Variants in ELMO1 observed in about 807,000 individuals in gnomAD.
ELMO1 encodes engulfment and cell motility 1.
In ELMO1, 26 loss-of-function variants were observed where a neutral mutation model predicts 98.9. The observed-to-expected ratio is 0.26, with a 90% CI of 0.19 to 0.36. The LOEUF (loss-of-function observed/expected upper bound fraction) is 0.36, where lower values mean the gene tolerates loss of function less well. Among genes scored for constraint, ELMO1 ranks in the 10% least tolerant of loss-of-function variants. ELMO1 has a pLI of 1.00. For missense variants in ELMO1, 627 were observed against 935.2 expected (o/e 0.67, Z 4.30); for synonymous variants, 346 against 346.0 (o/e 1.00, Z 0.00).
chr7:37,415,245 A>G (rs1333358761), intron 1 of ELMO1, among the ~76,000 whole-genome samples: 1 of 152,228 alleles, frequency 6.6e-6, no homozygotes, highest in South Asian at 2.1e-4. Context: ...TGTACTCCTG[A>G]ACAAAATAGA....
chr7:37,356,207 G>A lies in ELMO1; in HGVS notation c.-73-13444C>T, dbSNP rs540256167. Among the ~76,000 whole-genome samples, 3 of 152,224 alleles carry A rather than the reference G, an allele frequency of 2.0e-5. No homozygotes were observed. The South Asian group carries it at 6.2e-4, about 32-fold the overall frequency. ...TTTCTTTATCTAGTCTATCATTGATGGGCATTTGGGTTGGTACCAAGTCTT... is the reference window on the plus strand; with the variant it reads ...TTTCTTTATCTAGTCTATCATTGATAGGCATTTGGGTTGGTACCAAGTCTT... On this transcript the variant is annotated intron_variant, in intron 1 of 21. Coordinates refer to ENST00000310758, the MANE Select transcript of ELMO1 (RefSeq NM_014800.11).
At chr7:36,955,353 C>T (rs1466143904) in intron 16 of ELMO1, among the ~76,000 whole-genome samples, 2 of 152,146 alleles carry the variant, frequency 1.3e-5, no homozygotes, top group Non-Finnish European at 2.9e-5. Context: ...CTCCCATTCG[C>T]CAAAAGATAC....
chr7:37,025,898 TA>T, intron 15 of ELMO1, among the ~76,000 whole-genome samples: 1 of 117,348 alleles, frequency 8.5e-6, no homozygotes, highest in African/African-American at 3.5e-5. Flanking sequence ...TTATATATTC[TA>T]TCTATCTATC....
intron 16 of ELMO1, among the ~76,000 whole-genome samples, chr7:36,928,771 C>T (rs1785786404): frequency 6.6e-6 from 1 of 152,188 alleles, no homozygotes. Flanking sequence ...CTCAGGGAAT[C>T]AGACAGTCCT....
At chr7:37,141,293 C>G (rs1186243961) in intron 13 of ELMO1, among the ~76,000 whole-genome samples, 1 of 152,124 alleles carries the variant, frequency 6.6e-6, no homozygotes, top group African/African-American at 2.4e-5. Context: ...GAATGGAAAA[C>G]CAAACATCGT....
At chr7:37,036,036 CT>C (rs1795153744) in intron 15 of ELMO1, among the ~76,000 whole-genome samples, 1 of 152,116 alleles carries the variant, frequency 6.6e-6, no homozygotes, top group Non-Finnish European at 1.5e-5. Context: ...TACATTTAAA[CT>C]TTCTGTAATG....
At chr7:37,017,244 C>A (rs750607229) in intron 15 of ELMO1, among the ~76,000 whole-genome samples, 1 of 152,156 alleles carries the variant, frequency 6.6e-6, no homozygotes, top group Admixed American at 6.5e-5. Context: ...CTGAACCAAC[C>A]CTTTTTTCTT....
chr7:37,438,913 C>T (rs997549670), intron 1 of ELMO1, among the ~76,000 whole-genome samples: 2 of 152,218 alleles, frequency 1.3e-5, no homozygotes, highest in Non-Finnish European at 2.9e-5. Context: ...AATCACTTAG[C>T]AAATCATTTA....
In ELMO1 at chr7:36,963,247, G is replaced by A. The variant is rs534412447; in HGVS notation, c.1437+50052C>T. 2.6e-5 allele frequency among the ~76,000 whole-genome samples: 4 copies of A among 152,144 alleles called. 1 individual carries two copies. Among genetic ancestry groups the A allele is most frequent in the East Asian group, 1.9e-4 (1 of 5,180 alleles). On this transcript the variant is annotated intron_variant, in intron 16 of 21. Coordinates refer to ENST00000310758, the MANE Select transcript of ELMO1 (RefSeq NM_014800.11). ...ACAAAAATTAGCTGGGCGTGGTGCC[G>A]TGCGCCTGTACTCCTAGCTATTCAG... is the stretch of plus-strand genomic sequence containing the variant.
intron 1 of ELMO1, among the ~76,000 whole-genome samples, chr7:37,364,744 T>C (rs945708916): frequency 3.9e-5 from 6 of 152,196 alleles, no homozygotes; most frequent in Non-Finnish European, 8.8e-5. Flanking sequence ...ATATCCTGTT[T>C]TTCAGGTACC....
intron 13 of ELMO1, among the ~76,000 whole-genome samples, chr7:37,146,663 C>A (rs1292182202): frequency 6.6e-6 from 1 of 152,160 alleles, no homozygotes; most frequent in Admixed American, 6.5e-5. Flanking sequence ...TCTTCAGATT[C>A]TGCTGTTGGT....
Position 37,342,892 on chromosome 7 carries a change from T to G in ELMO1, c.-73-129A>C. ...ACGGCTCCCCTTGGTGCCTGGGTGC[T>G]GAAGGTGCAGGGGCACAGCCAACGG... is the stretch of plus-strand genomic sequence containing the variant. On this transcript the variant is annotated intron_variant, in intron 1 of 21. Transcript: ENST00000310758. The surrounding 1 kb of genome is among the most constrained non-coding windows in gnomAD (Gnocchi z 4.3). 1 of 539,028 alleles carries G rather than the reference T, an allele frequency of 1.9e-6. No individual in the cohort carries two copies. Among genetic ancestry groups the G allele is most frequent in the Non-Finnish European group, 3.2e-6 (1 of 307,796 alleles). 33.4% of individuals were successfully genotyped at this position (539,028 alleles called of 1,614,324 possible).
chr7:37,281,156 C>T (rs1234717691), intron 4 of ELMO1, among the ~76,000 whole-genome samples: 1 of 151,178 alleles, frequency 6.6e-6, no homozygotes, highest in East Asian at 1.9e-4. Flanking sequence ...CGTATGTCCT[C>T]ACTGATATGT....
chr7:37,185,172 T>C (rs1377597994), intron 13 of ELMO1, among the ~76,000 whole-genome samples: 1 of 152,226 alleles, frequency 6.6e-6, no homozygotes, highest in Non-Finnish European at 1.5e-5. Context: ...TTAAGTTGAA[T>C]TTGTGGTCAA....
chr7:36,937,963 C>T (rs1786691766), intron 16 of ELMO1, among the ~76,000 whole-genome samples: 2 of 152,238 alleles, frequency 1.3e-5, no homozygotes. Flanking sequence ...ATTCTAGAAG[C>T]TGCAAATAAT....
chr7:37,247,620 A>G (rs1795081372), intron 6 of ELMO1, among the ~76,000 whole-genome samples: 1 of 152,226 alleles, frequency 6.6e-6, no homozygotes, highest in Non-Finnish European at 1.5e-5. Context: ...AACAAACCCA[A>G]ATTACAGGGT....
At chr7:37,323,874 C>T (rs982008868) in intron 2 of ELMO1, among the ~76,000 whole-genome samples, 27 of 152,130 alleles carry the variant, frequency 1.8e-4, no homozygotes, top group Admixed American at 1.4e-3. Flanking sequence ...GGATGCCCTG[C>T]CACCCTTTTA....
At chr7:36,944,375 A>G (rs1787298391) in intron 16 of ELMO1, among the ~76,000 whole-genome samples, 1 of 152,086 alleles carries the variant, frequency 6.6e-6, no homozygotes, top group Non-Finnish European at 1.5e-5. Flanking sequence ...AAGAGACTCA[A>G]ACTTGACCAA....
rs905821816 is a variant in ELMO1, at chr7:37,201,207, C to T, written c.1086+10179G>A. Among the ~76,000 whole-genome samples the T allele has an allele frequency of 3.3e-5, 5 of 152,180 alleles. No individual in the cohort carries two copies. In the East Asian group the frequency reaches 9.6e-4, roughly 29 times the overall value. On this transcript the variant is annotated intron_variant, in intron 13 of 21. Transcript: ENST00000310758. Reference sequence around the variant, plus strand: ...GATCAAACTTCCCCATACAGCTTTGCATAACTCCCCACCAATGCTGGTTCA... The same window carrying T: ...GATCAAACTTCCCCATACAGCTTTGTATAACTCCCCACCAATGCTGGTTCA...
Sources: gnomAD v4.1 joint callset for allele counts (sites outside exome capture counted in the v4.1 genomes callset) on GRCh38, gnomAD v4.1.1 for gene constraint, Gnocchi (gnomAD v3.1) non-coding constraint, MANE v1.5 for transcripts, NCBI Gene and HGNC (gene_info 2026-07-23, HGNC 2026-07-21) for gene names.